SCRN1: variants seen among roughly 807,000 people sequenced by gnomAD.
SCRN1 encodes the protein secernin 1.
Under a neutral mutation model 43.3 loss-of-function variants are expected in SCRN1, and 19 were observed. That is an observed-to-expected ratio of 0.44 (90% CI 0.31 to 0.64). The LOEUF (loss-of-function observed/expected upper bound fraction) is 0.64, where lower values mean the gene tolerates loss of function less well. Ranked by LOEUF, SCRN1 falls within the 30% of genes least tolerant of loss-of-function variation. The pLI, the probability that SCRN1 is intolerant of heterozygous loss-of-function variation, is 0.09. For missense variants in SCRN1, 447 were observed against 524.1 expected (o/e 0.85, Z 1.44); for synonymous variants, 183 against 188.9 (o/e 0.97, Z 0.26).
At chr7:29,926,993 C>CT (rs767465159) in intron 6 of SCRN1, among the ~76,000 whole-genome samples, 7,371 of 143,836 alleles carry the variant, frequency 0.051, 203 homozygotes, top group Non-Finnish European at 0.063. Context: ...AGAGGTTTGC[C>CT]TTTTTTTTTT....
chr7:29,990,150 A>T (rs1377027066), upstream of SCRN1: 4 of 1,551,570 alleles, frequency 2.6e-6, no homozygotes, highest in South Asian at 3.6e-5. Flanking sequence ...GCGCCCACAC[A>T]AGATTTCCCC....
chr7:29,966,149 GACCGAGAGAC>G (rs1788483093), intron 2 of SCRN1, among the ~76,000 whole-genome samples: 2 of 128,264 alleles, frequency 1.6e-5, no homozygotes, highest in Admixed American at 1.7e-4. Context: ...GAGAGAGAGA[GACCGAGAGAC>G]AGAGAGAGAG....
At chr7:29,989,911 CG>C (rs1789313737), upstream of SCRN1, 1 of 1,121,284 alleles carries the variant, frequency 8.9e-7, no homozygotes, top group Non-Finnish European at 1.1e-6. Context: ...GCACCCCGCG[CG>C]TCTGGCTGCA....
chr7:29,932,600 C>T (rs1256816742), intron 6 of SCRN1, among the ~76,000 whole-genome samples: 3 of 130,752 alleles, frequency 2.3e-5, no homozygotes, highest in African/African-American at 8.8e-5. Context: ...TGCAGTGAGC[C>T]GAGATCACGC....
chr7:29,970,240 T>C (rs1788626767), intron 1 of SCRN1, among the ~76,000 whole-genome samples: 1 of 152,170 alleles, frequency 6.6e-6, no homozygotes, highest in African/African-American at 2.4e-5. Flanking sequence ...TTGTTTCCCC[T>C]TCCCAGCCCC....
intron 2 of SCRN1, among the ~76,000 whole-genome samples, chr7:29,962,670 AGAGT>A (rs1317771840): frequency 7.9e-5 from 12 of 152,132 alleles, no homozygotes; most frequent in Admixed American, 3.9e-4. Context: ...CCTGGGTGAC[AGAGT>A]GAGACTGTCT....
chr7:29,969,719 T>C (rs997185833), intron 1 of SCRN1: 5 of 430,886 alleles, frequency 1.2e-5, no homozygotes, highest in African/African-American at 4.1e-5. Flanking sequence ...ATCTTTTCTA[T>C]CTGGGAAAAT....
chr7:29,988,029 G>A (rs1789215632), intron 1 of SCRN1, among the ~76,000 whole-genome samples: 1 of 151,994 alleles, frequency 6.6e-6, no homozygotes, highest in African/African-American at 2.4e-5. Flanking sequence ...GAAGTGAAAA[G>A]GGAAAGAAAG....
At chr7:29,971,877 T>C (rs943207551) in intron 1 of SCRN1, among the ~76,000 whole-genome samples, 1 of 152,174 alleles carries the variant, frequency 6.6e-6, no homozygotes, top group Non-Finnish European at 1.5e-5. Context: ...CTTCCCTGCA[T>C]TGTTTATGGC....
intron 2 of SCRN1, among the ~76,000 whole-genome samples, chr7:29,968,469 C>T (rs77485828): frequency 0.014 from 2,096 of 152,018 alleles, 25 homozygotes; most frequent in Non-Finnish European, 0.024. Flanking sequence ...TGCTGTTAAT[C>T]GAAGAAAGGA....
chr7:29,926,550 G>T lies in SCRN1; in HGVS notation c.988C>A (p.Pro330Thr). 1 of 1,614,146 alleles carries T rather than the reference G, an allele frequency of 6.2e-7. No individual in the cohort carries two copies. The highest frequency in any genetic ancestry group is 8.5e-7 in the Non-Finnish European group (1 of 1,180,034). Reference sequence around the variant, plus strand: ...TGGAACCGAGGCTCCTTTTTGGCAGGGTCGTCATCCCCAAAACAGGGAGAC... The same window carrying T: ...TGGAACCGAGGCTCCTTTTTGGCAGTGTCGTCATCCCCAAAACAGGGAGAC... Reference protein sequence around the residue: ...TQSPCFGDDDPAKKEPRFQEK... With the variant: ...TQSPCFGDDDTAKKEPRFQEK... Residue 330 changes from proline to threonine, a missense_variant, in exon 7 of 8, where the codon CCT (proline) becomes ACT (threonine). Coordinates refer to ENST00000242059, the MANE Select transcript of SCRN1 (RefSeq NM_014766.5).
chr7:29,961,766 C>T (rs1379054590), intron 2 of SCRN1, among the ~76,000 whole-genome samples: 2 of 147,066 alleles, frequency 1.4e-5, no homozygotes, highest in African/African-American at 5.0e-5. Context: ...GGCGGCTGGC[C>T]GGGCAGGGGG....
chr7:29,975,122 C>T (rs917933601), intron 1 of SCRN1, among the ~76,000 whole-genome samples: 1 of 151,940 alleles, frequency 6.6e-6, no homozygotes, highest in South Asian at 2.1e-4. Context: ...AAAAAAAGAA[C>T]CTAAAATTCA....
At chr7:29,954,251 A>T (rs999931838) in intron 3 of SCRN1, among the ~76,000 whole-genome samples, 10 of 152,110 alleles carry the variant, frequency 6.6e-5, no homozygotes, top group Admixed American at 1.3e-4. Context: ...AGGAAGAAAA[A>T]ATAACTGAGA....
In SCRN1 at chr7:29,936,642, G is replaced by C; in HGVS notation, c.819C>G (p.Leu273=). ...SGVCIDSEFF[L]TTASGVSVLP... Reference sequence around the variant, plus strand: ...GGACAGACACTCCACTGGCTGTGGTGAGGAAAAACTCAGAGTCTATGCACA... The same window carrying C: ...GGACAGACACTCCACTGGCTGTGGTCAGGAAAAACTCAGAGTCTATGCACA... The change falls in exon 6 of 8, where the codon CTC becomes CTG. Residue 273 remains leucine, a synonymous_variant. Coordinates refer to ENST00000242059, the MANE Select transcript of SCRN1 (RefSeq NM_014766.5). 2 of 1,608,082 alleles carry C rather than the reference G, an allele frequency of 1.2e-6. No homozygotes were observed. The highest frequency in any genetic ancestry group is 1.7e-6 in the Non-Finnish European group (2 of 1,175,232).
intron 1 of SCRN1, among the ~76,000 whole-genome samples, chr7:29,974,646 C>A (rs1184592188): frequency 2.6e-5 from 4 of 151,180 alleles, no homozygotes; most frequent in Non-Finnish European, 5.9e-5. Context: ...ATAAAACATG[C>A]ATTTTAAAAT....
chr7:29,975,612 T>C (rs895314069), intron 1 of SCRN1, among the ~76,000 whole-genome samples: 2 of 152,264 alleles, frequency 1.3e-5, no homozygotes, highest in South Asian at 4.1e-4. Flanking sequence ...TTTAGGTCCA[T>C]ACACATGCAC....
rs1786849073 is a variant in SCRN1 at position 29,923,802 on chromosome 7, C to A, written c.*155G>T. On this transcript the variant is annotated 3_prime_UTR_variant, in exon 8 of 8. Coordinates refer to ENST00000242059, the MANE Select transcript of SCRN1 (RefSeq NM_014766.5). Reference sequence around the variant, plus strand: ...TTGCAGAAGGGGACGCTGTGAGATTCAAGGTGGAACACAAGGTAACAGTTT... The same window carrying A: ...TTGCAGAAGGGGACGCTGTGAGATTAAAGGTGGAACACAAGGTAACAGTTT... 6.3e-6 allele frequency: 5 copies of A among 789,500 alleles called. No individual in the cohort carries two copies. The highest frequency in any genetic ancestry group is 1.0e-5 in the Non-Finnish European group (5 of 486,304). The allele number at this position is 789,500 out of a possible 1,614,324, so 48.9% of individuals were successfully genotyped here.
chr7:29,962,276 T>C (rs1290405885), intron 2 of SCRN1, among the ~76,000 whole-genome samples: 1 of 147,406 alleles, frequency 6.8e-6, no homozygotes, highest in African/African-American at 2.5e-5. Context: ...TATATATAAT[T>C]AAATTATTAT....
Sources: allele counts gnomAD v4.1 joint callset (sites outside exome capture counted in the v4.1 genomes callset), GRCh38; gene constraint gnomAD v4.1.1; transcripts MANE v1.5; gene names NCBI Gene and HGNC (gene_info 2026-07-23, HGNC 2026-07-21).